Variants in ST6GALNAC3 observed in about 807,000 individuals in gnomAD.
The protein encoded by ST6GALNAC3 is ST6 N-acetylgalactosaminide alpha-2,6-sialyltransferase 3.
Under a neutral mutation model 32.7 loss-of-function variants are expected in ST6GALNAC3, and 25 were observed. The ratio of observed to expected loss-of-function variants is 0.76; its 90% CI spans 0.56 to 1.07. The LOEUF is 1.07. Among genes scored for constraint, ST6GALNAC3 ranks in the 50% least tolerant of loss-of-function variants. The probability of loss-of-function intolerance (pLI) is 0.00; values close to 1 mark genes in which losing one functional copy is unlikely to be tolerated. For synonymous variants in ST6GALNAC3, 129 were observed against 133.1 expected (o/e 0.97, Z 0.21); for missense variants, 355 against 382.4 (o/e 0.93, Z 0.60).
In ST6GALNAC3 at chr1:76,612,330, T is replaced by A. The variant is rs542339162; in HGVS notation, c.624-15122T>A. The stretch of plus-strand genomic sequence containing the variant: ...TCTGAGGCCTGTACCCAAGCCACCT[T>A]GTGGCCCAGGTTTTAAAGTTGTGTG... On this transcript the variant is annotated intron_variant, in intron 3 of 4. Coordinates refer to ENST00000328299, the MANE Select transcript of ST6GALNAC3 (RefSeq NM_152996.4). 2.0e-5 allele frequency among the ~76,000 whole-genome samples: 3 copies of A among 152,262 alleles called. No individual in the cohort carries two copies. In the East Asian group the frequency reaches 5.8e-4, roughly 29 times the overall value.
chr1:76,314,109 AGCTT>A, intron 2 of ST6GALNAC3, 110 bp downstream of exon 2: 1 of 1,033,600 alleles, frequency 9.7e-7, no homozygotes, highest in Middle Eastern at 2.3e-4. Context: ...TGCCCCGGAG[AGCTT>A]GCTTGGGTCC....
At chr1:76,167,281 T>A (rs1012715000) in intron 1 of ST6GALNAC3, among the ~76,000 whole-genome samples, 2 of 152,226 alleles carry the variant, frequency 1.3e-5, no homozygotes, top group Non-Finnish European at 2.9e-5. Flanking sequence ...TTAGTTCTGT[T>A]TATATGATGG....
intron 2 of ST6GALNAC3, among the ~76,000 whole-genome samples, chr1:76,346,256 C>T (rs1648502052): frequency 6.6e-6 from 1 of 152,134 alleles, no homozygotes; most frequent in Non-Finnish European, 1.5e-5. Flanking sequence ...AAAGTAAGCT[C>T]ACACCAGGTA....
Position 76,207,561 on chromosome 1 carries a change from C to T in ST6GALNAC3, c.19-106244C>T, listed in dbSNP as rs553340422. 3.3e-5 allele frequency among the ~76,000 whole-genome samples: 5 copies of T among 152,322 alleles called. No homozygotes were observed. In the South Asian group the frequency reaches 8.3e-4, roughly 25 times the overall value. ...GTTCATCCCAAGACAGAAGGCATCA[C>T]GTGGCAAACATGTGAGATAGAAATG... is the stretch of plus-strand genomic sequence containing the variant. On this transcript the variant is annotated intron_variant, in intron 1 of 4. Coordinates refer to ENST00000328299, the MANE Select transcript of ST6GALNAC3 (RefSeq NM_152996.4).
At chr1:76,583,168 A>G (rs189564130) in intron 3 of ST6GALNAC3, among the ~76,000 whole-genome samples, 57 of 152,300 alleles carry the variant, frequency 3.7e-4, no homozygotes, top group Non-Finnish European at 6.3e-4. Flanking sequence ...AAATGTTCTC[A>G]GCCAGTGAAT....
At chr1:76,507,625 G>A (rs1317880243) in intron 3 of ST6GALNAC3, among the ~76,000 whole-genome samples, 1 of 152,158 alleles carries the variant, frequency 6.6e-6, no homozygotes, top group African/African-American at 2.4e-5. Context: ...TTATGGCTAA[G>A]TTATACTCTG....
At chr1:76,570,060 G>A (rs982238826) in intron 3 of ST6GALNAC3, among the ~76,000 whole-genome samples, 2 of 152,056 alleles carry the variant, frequency 1.3e-5, no homozygotes, top group Non-Finnish European at 2.9e-5. Context: ...ATGAAGCAGC[G>A]AAGCTAAAGA....
At chr1:76,537,830 T>A (rs898779813) in intron 3 of ST6GALNAC3, among the ~76,000 whole-genome samples, 1 of 151,930 alleles carries the variant, frequency 6.6e-6, no homozygotes, top group Admixed American at 6.6e-5. Flanking sequence ...GGAAGTCAAA[T>A]CTCTGAATAG....
intron 3 of ST6GALNAC3, among the ~76,000 whole-genome samples, chr1:76,624,756 T>A (rs1244795447): frequency 6.6e-6 from 1 of 151,888 alleles, no homozygotes; most frequent in Non-Finnish European, 1.5e-5. Context: ...AAGGAGGGAA[T>A]CATGGAGTTC....
chr1:76,232,070 A>G (rs1389595716), intron 1 of ST6GALNAC3, among the ~76,000 whole-genome samples: 2 of 152,160 alleles, frequency 1.3e-5, no homozygotes, highest in African/African-American at 2.4e-5. Flanking sequence ...GACAAACAGA[A>G]CCAGGCTTTG....
intron 1 of ST6GALNAC3, among the ~76,000 whole-genome samples, chr1:76,189,906 T>A (rs1015889971): frequency 1.3e-5 from 2 of 152,150 alleles, no homozygotes; most frequent in African/African-American, 4.8e-5. Flanking sequence ...TTCTAAAAGC[T>A]CAATTCTTAG....
At chr1:76,635,716 G>T (rs1570501659), downstream of ST6GALNAC3, among the ~76,000 whole-genome samples, 1 of 152,288 alleles carries the variant, frequency 6.6e-6, no homozygotes, top group East Asian at 1.9e-4. Context: ...GGGTGACTCA[G>T]ATACAAAGAC....
chr1:76,283,524 A>G (rs1659614916), intron 1 of ST6GALNAC3, among the ~76,000 whole-genome samples: 2 of 152,176 alleles, frequency 1.3e-5, no homozygotes, highest in Non-Finnish European at 2.9e-5. Context: ...AGGGCCTACA[A>G]TATCACTTGG....
chr1:76,111,036 G>A (rs543772509), intron 1 of ST6GALNAC3, among the ~76,000 whole-genome samples: 20 of 152,322 alleles, frequency 1.3e-4, no homozygotes, highest in African/African-American at 4.8e-4. Context: ...AAGACTGGAT[G>A]CTGTGTGTCC....
chr1:76,511,016 C>T (rs1263928899), intron 3 of ST6GALNAC3, among the ~76,000 whole-genome samples: 3 of 152,144 alleles, frequency 2.0e-5, no homozygotes, highest in Non-Finnish European at 4.4e-5. Context: ...ATTTAATCCT[C>T]ATAACCCAAG....
chr1:76,142,907 G>T (rs900995700), intron 1 of ST6GALNAC3: 3 of 454,678 alleles, frequency 6.6e-6, no homozygotes, highest in Non-Finnish European at 1.3e-5. Context: ...TGGAGGATTA[G>T]ATCTGGGCAC....
intron 3 of ST6GALNAC3, among the ~76,000 whole-genome samples, chr1:76,425,835 G>T (rs1320724573): frequency 6.6e-6 from 1 of 151,914 alleles, no homozygotes; most frequent in Admixed American, 6.6e-5. Context: ...CTTTACCTCA[G>T]TGTCAGATAA....
At chr1:76,156,877 G>A (rs896602683) in intron 1 of ST6GALNAC3, among the ~76,000 whole-genome samples, 7 of 152,138 alleles carry the variant, frequency 4.6e-5, no homozygotes, top group African/African-American at 9.7e-5. Flanking sequence ...GACTACAGGC[G>A]CCCGCCACCA....
At chr1:76,596,146 C>T (rs948548762) in intron 3 of ST6GALNAC3, among the ~76,000 whole-genome samples, 6 of 152,150 alleles carry the variant, frequency 3.9e-5, no homozygotes, top group African/African-American at 1.2e-4. Flanking sequence ...TGTGTATTAA[C>T]ATGAAGCCTG....
Sources: gnomAD v4.1 joint callset for allele counts (sites outside exome capture counted in the v4.1 genomes callset) on GRCh38, gnomAD v4.1.1 for gene constraint, MANE v1.5 for transcripts, NCBI Gene and HGNC (gene_info 2026-07-23, HGNC 2026-07-21) for gene names.